The following TRPM3 variants were observed in gnomAD, a reference collection of about 807,000 sequenced individuals.
TRPM3 encodes the protein long transient receptor potential channel 3.
TRPM3 carries 77 observed loss-of-function variants against 181.2 expected under a neutral mutation model. That is an observed-to-expected ratio of 0.42 (90% CI 0.35 to 0.51). The LOEUF is 0.51. Among genes scored for constraint, TRPM3 ranks in the 20% least tolerant of loss-of-function variants. TRPM3 has a pLI of 0.01. For missense variants in TRPM3, 1,759 were observed against 2,196.7 expected, an observed-to-expected ratio of 0.80 and a Z score of 3.98; for synonymous variants, 745 against 796.4, an observed-to-expected ratio of 0.94 and a Z score of 1.09.
chr9:71,287,191 G>A (rs369400814), intron 1 of TRPM3, among the ~76,000 whole-genome samples: 4 of 148,116 alleles, frequency 2.7e-5, no homozygotes, highest in South Asian at 2.1e-4. Context: ...AGATAGTATC[G>A]GGATGCCCAT....
At chr9:70,576,480 T>TC in intron 22 of TRPM3, among the ~76,000 whole-genome samples, 1 of 139,906 alleles carries the variant, frequency 7.1e-6, no homozygotes, top group African/African-American at 2.7e-5. Context: ...TTCTTCTTCT[T>TC]CTCCTCCTCC....
intron 1 of TRPM3, among the ~76,000 whole-genome samples, chr9:70,963,555 A>G (rs2133845159): frequency 6.6e-6 from 1 of 152,212 alleles, no homozygotes; most frequent in East Asian, 1.9e-4. Context: ...GTGGCAACAC[A>G]GACTTGTTTG....
intron 20 of TRPM3, among the ~76,000 whole-genome samples, chr9:70,601,772 G>C (rs1262454141): frequency 6.6e-6 from 1 of 152,190 alleles, no homozygotes; most frequent in Admixed American, 6.5e-5. Flanking sequence ...TGCCAGAACA[G>C]TCCGTGGAGT....
chr9:71,075,545 T>C (rs1475092678), intron 1 of TRPM3, among the ~76,000 whole-genome samples: 3 of 152,194 alleles, frequency 2.0e-5, no homozygotes, highest in Non-Finnish European at 4.4e-5. Flanking sequence ...TCCTGTGCTA[T>C]TTGGTAGACT....
intron 1 of TRPM3, among the ~76,000 whole-genome samples, chr9:71,172,532 G>A (rs962014343): frequency 1.3e-5 from 2 of 151,962 alleles, no homozygotes; most frequent in African/African-American, 4.8e-5. Context: ...TTAGCCTCTC[G>A]AGTAACTGGC....
chr9:70,795,305 C>T (rs572624557), intron 6 of TRPM3, among the ~76,000 whole-genome samples: 9 of 152,132 alleles, frequency 5.9e-5, no homozygotes, highest in East Asian at 1.9e-4. Flanking sequence ...TTATAAAGCA[C>T]TTAGAGCCTG....
chr9:71,332,443 T>C (rs1012680131), intron 1 of TRPM3, among the ~76,000 whole-genome samples: 7 of 150,746 alleles, frequency 4.6e-5, no homozygotes, highest in Admixed American at 3.3e-4. Flanking sequence ...TCCAGTGAAA[T>C]CTAACACAGT....
At chr9:70,970,549 T>G (rs565517083) in intron 1 of TRPM3, among the ~76,000 whole-genome samples, 53 of 152,288 alleles carry the variant, frequency 3.5e-4, no homozygotes, top group Non-Finnish European at 3.4e-4. Context: ...TCTTCTTTCC[T>G]GCTACTCTCC....
At chr9:71,182,500 A>G (rs932775093) in intron 1 of TRPM3, among the ~76,000 whole-genome samples, 3 of 152,104 alleles carry the variant, frequency 2.0e-5, no homozygotes, top group Non-Finnish European at 4.4e-5. Flanking sequence ...AATATCAAAG[A>G]AGAAAATGGC....
At chr9:70,692,701 T>G (rs1042719913) in intron 8 of TRPM3, among the ~76,000 whole-genome samples, 2 of 152,242 alleles carry the variant, frequency 1.3e-5, no homozygotes, top group African/African-American at 4.8e-5. Flanking sequence ...CTCTCGCTTC[T>G]TGGAAAAGGG....
intron 1 of TRPM3, among the ~76,000 whole-genome samples, chr9:71,435,045 T>C (rs996304175): frequency 1.3e-5 from 2 of 152,114 alleles, no homozygotes; most frequent in African/African-American, 2.4e-5. Flanking sequence ...ATGGAGAAAA[T>C]ATTAAATAAG....
chr9:71,286,202 T>C (rs562200245), intron 1 of TRPM3, among the ~76,000 whole-genome samples: 1 of 152,206 alleles, frequency 6.6e-6, no homozygotes, highest in Non-Finnish European at 1.5e-5. Context: ...CCAGGTTTAG[T>C]AGTTTTGTAG....
At chr9:70,675,985 C>A (rs1198407736) in intron 9 of TRPM3, among the ~76,000 whole-genome samples, 2 of 152,084 alleles carry the variant, frequency 1.3e-5, no homozygotes, top group East Asian at 1.9e-4. Flanking sequence ...AACTTAATAC[C>A]CTTTATTTTC....
intron 1 of TRPM3, among the ~76,000 whole-genome samples, chr9:71,156,517 T>A (rs890007592): frequency 6.6e-6 from 1 of 151,954 alleles, no homozygotes; most frequent in African/African-American, 2.4e-5. Context: ...TTCATCTACT[T>A]TTTATAAACA....
intron 1 of TRPM3, among the ~76,000 whole-genome samples, chr9:71,381,607 T>A (rs1014634647): frequency 2.0e-5 from 3 of 152,174 alleles, no homozygotes; most frequent in Admixed American, 6.6e-5. Flanking sequence ...TACATGAACG[T>A]AAACCTATGT....
intron 1 of TRPM3, among the ~76,000 whole-genome samples, chr9:71,351,366 C>T (rs920578942): frequency 1.3e-5 from 2 of 152,166 alleles, no homozygotes; most frequent in African/African-American, 4.8e-5. Context: ...GCAATGTTGT[C>T]TGCCTTATTA....
Position 70,846,486 on chromosome 9 carries a change from G to A in TRPM3, c.568C>T (p.Leu190=). Reference sequence around the variant, plus strand: ...TTTGGCTGGAGTTCAAAGTTCTGCAGGCCCCCATGGACAGAGATGAGAAGC... The same window carrying A: ...TTTGGCTGGAGTTCAAAGTTCTGCAAGCCCCCATGGACAGAGATGAGAAGC... ...PKLLISVHGG[L]QNFELQPKLK... The change falls in exon 4 of 26, where the codon CTG becomes TTG. Residue 190 remains leucine (L), a synonymous_variant. Transcript: ENST00000677713. The A allele has an allele frequency of 6.2e-7, 1 of 1,614,132 alleles. No homozygotes were observed.
chr9:70,765,381 A>G (rs993275273), intron 7 of TRPM3, among the ~76,000 whole-genome samples: 3 of 152,086 alleles, frequency 2.0e-5, no homozygotes, highest in Non-Finnish European at 2.9e-5. Context: ...ACTTGAGGTC[A>G]GGAGTTCAAG....
At chr9:71,246,691 T>C (rs2082053716) in intron 1 of TRPM3, among the ~76,000 whole-genome samples, 1 of 152,328 alleles carries the variant, frequency 6.6e-6, no homozygotes, top group South Asian at 2.1e-4. Context: ...ATATGAATAA[T>C]AACAGGATTT....
Sources: gnomAD v4.1 joint callset for allele counts (sites outside exome capture counted in the v4.1 genomes callset) on GRCh38, gnomAD v4.1.1 for gene constraint, MANE v1.5 for transcripts, NCBI Gene and HGNC (gene_info 2026-07-23, HGNC 2026-07-21) for gene names.